FBXL17: variants seen among roughly 807,000 people sequenced by gnomAD.
FBXL17 encodes F-box and leucine rich repeat protein 17.
Under a neutral mutation model 66.2 loss-of-function variants are expected in FBXL17, and 22 were observed. That is an observed-to-expected ratio of 0.33 (90% CI 0.24 to 0.47). The LOEUF is 0.47. Among genes scored for constraint, FBXL17 ranks in the 20% least tolerant of loss-of-function variants. FBXL17 has a pLI of 1.00. For missense variants in FBXL17, 878 were observed against 948.2 expected (o/e 0.93, Z 0.97); for synonymous variants, 474 against 400.5 (o/e 1.18, Z -2.19).
intron 7 of FBXL17, among the ~76,000 whole-genome samples, chr5:107,936,676 T>C (rs1580727915): frequency 6.6e-6 from 1 of 152,276 alleles, no homozygotes; most frequent in African/African-American, 2.4e-5. Flanking sequence ...AGTACAGTGA[T>C]CTGCTTGTGG....
At chr5:108,073,760 GCCTGGCACTTCCT>G (rs756012768) in intron 6 of FBXL17, among the ~76,000 whole-genome samples, 33 of 152,008 alleles carry the variant, frequency 2.2e-4, no homozygotes, top group Admixed American at 9.2e-4. Flanking sequence ...GTTTAAAAGA[GCCTGGCACTTCCT>G]CCCTCTCTCT....
chr5:107,866,720 T>C (rs1748287735), intron 8 of FBXL17, among the ~76,000 whole-genome samples: 1 of 152,226 alleles, frequency 6.6e-6, no homozygotes, highest in Non-Finnish European at 1.5e-5. Context: ...CATTAAATGA[T>C]GGTTACTTCC....
chr5:107,987,827 T>C (rs1469153030), intron 7 of FBXL17, among the ~76,000 whole-genome samples: 1 of 152,020 alleles, frequency 6.6e-6, no homozygotes, highest in Non-Finnish European at 1.5e-5. Flanking sequence ...GGCCAAACAA[T>C]GAATACATCT....
chr5:107,913,958 G>A (rs985306872), intron 7 of FBXL17, among the ~76,000 whole-genome samples: 3 of 147,046 alleles, frequency 2.0e-5, no homozygotes, highest in African/African-American at 7.3e-5. Context: ...AAAGACTTTA[G>A]GTTTCATTTT....
In FBXL17 at chr5:108,381,317, G is replaced by A. The variant is rs2112679322; in HGVS notation, c.375C>T (p.Ala125=). The A allele has an allele frequency of 3.6e-6, 5 of 1,394,792 alleles. No homozygotes were observed. Among genetic ancestry groups the A allele is most frequent in the Admixed American group, 3.1e-5 (1 of 31,820 alleles). 86.4% of individuals were successfully genotyped at this position (1,394,792 alleles called of 1,614,324 possible). Residue 125 remains alanine, a synonymous_variant, in exon 1 of 9, where the codon GCC becomes GCT. Transcript: ENST00000542267. The stretch of plus-strand genomic sequence containing the variant: ...CCGAGGCGGCAGCGGCGGCGGCGGC[G>A]GCGGCCGAGGATAGCAGGAAGCGGC... The part of the protein sequence containing the change: ...AARRFLLSSA[A]AAAAAAASAS...
chr5:108,199,527 T>A (rs1753807514), intron 5 of FBXL17, among the ~76,000 whole-genome samples: 1 of 152,210 alleles, frequency 6.6e-6, no homozygotes, highest in Non-Finnish European at 1.5e-5. Context: ...AACTTGTAGC[T>A]TTATTAGTCT....
At chr5:108,154,666 T>G (rs1751919375) in intron 6 of FBXL17, among the ~76,000 whole-genome samples, 1 of 142,030 alleles carries the variant, frequency 7.0e-6, no homozygotes, top group East Asian at 2.0e-4. Flanking sequence ...TATATACATA[T>G]ATATGTGTAT....
Position 108,232,782 on chromosome 5 carries a change from CATAT to C in FBXL17, c.1507-8558_1507-8555del, listed in dbSNP as rs34650348. On this transcript the variant is annotated intron_variant, in intron 4 of 8. Coordinates refer to ENST00000542267, the MANE Select transcript of FBXL17 (RefSeq NM_001163315.3). Reference sequence around the variant, plus strand: ...TAAGTTAATACTGAATAAGCTCTCACATATATATATATATATATATATAATATAT... The same window carrying C: ...TAAGTTAATACTGAATAAGCTCTCACATATATATATATATATATAATATAT... 3.6e-4 allele frequency among the ~76,000 whole-genome samples: 28 copies of C among 78,170 alleles called. 2 individuals are homozygous for C. The highest frequency in any genetic ancestry group is 1.3e-3 in the South Asian group (3 of 2,376). 51.3% of individuals were successfully genotyped at this position (78,170 alleles called of 152,430 possible).
rs531740217 is a variant in FBXL17, at chr5:108,071,346, C to T, written c.1746-50345G>A. ...TAAACAGTAACTATCTGCTTCAGGC[C>T]TCAAGAACAGTTGAAAAATCAAGAG... On this transcript the variant is annotated intron_variant, in intron 6 of 8. Coordinates refer to ENST00000542267, the MANE Select transcript of FBXL17 (RefSeq NM_001163315.3). Among the ~76,000 whole-genome samples the T allele has an allele frequency of 3.3e-5, 5 of 152,306 alleles. No homozygotes were observed. In the East Asian group the frequency reaches 9.6e-4, roughly 29 times the overall value.
chr5:108,259,715 A>C (rs1424555410), intron 4 of FBXL17, among the ~76,000 whole-genome samples: 1 of 152,216 alleles, frequency 6.6e-6, no homozygotes, highest in Non-Finnish European at 1.5e-5. Context: ...ACGAAAAGCA[A>C]AAGGAAGTCC....
intron 6 of FBXL17, among the ~76,000 whole-genome samples, chr5:108,154,648 C>CATATATATGTGTATATATATACACAT (rs202122522): frequency 0.098 from 11,243 of 114,350 alleles, 1,298 homozygotes; most frequent in South Asian, 0.21. Context: ...CACACACACA[C>CATATATATGTGTATATATATACACAT]ATATATGTAT....
At chr5:107,967,792 T>TA (rs887112738) in intron 7 of FBXL17, among the ~76,000 whole-genome samples, 1 of 151,906 alleles carries the variant, frequency 6.6e-6, no homozygotes, top group Non-Finnish European at 1.5e-5. Flanking sequence ...GCAAAAAGGG[T>TA]AAAAAAAATT....
intron 6 of FBXL17, among the ~76,000 whole-genome samples, chr5:108,033,859 ACT>A (rs1746735902): frequency 6.6e-6 from 1 of 152,154 alleles, no homozygotes; most frequent in East Asian, 1.9e-4. Flanking sequence ...TAACAATTCT[ACT>A]CTTATTATTT....
rs963938236 is a variant in FBXL17, at chr5:108,074,313, T to A, written c.1746-53312A>T. ...ATCTGATAAGAGATTTGAAAAGATT[T>A]TTTTTTTTTTTTTTTTAAGGAGCTC... On this transcript the variant is annotated intron_variant, in intron 6 of 8. Transcript: ENST00000542267. 8.3e-3 allele frequency among the ~76,000 whole-genome samples: 821 copies of A among 98,758 alleles called. 5 individuals carry two copies. Among genetic ancestry groups the A allele is most frequent in the African/African-American group, 0.032 (788 of 24,268 alleles). The allele number at this position is 98,758 out of a possible 152,430, so 64.8% of individuals were successfully genotyped here.
chr5:108,016,721 C>T (rs1181177734), intron 7 of FBXL17, among the ~76,000 whole-genome samples: 1 of 152,032 alleles, frequency 6.6e-6, no homozygotes, highest in East Asian at 1.9e-4. Context: ...TTGTCTTCTT[C>T]TTAATCCCAA....
Position 107,861,795 on chromosome 5 carries a change from C to A in FBXL17, c.2031G>T (p.Leu677=), listed in dbSNP as rs772594905. The A allele has an allele frequency of 2.5e-6, 4 of 1,586,384 alleles. No individual in the cohort carries two copies. The East Asian group carries it at 7.0e-5, about 28-fold the overall frequency. Residue 677 remains leucine (L), a synonymous_variant, in exon 9 of 9, where the codon CTG becomes CTT. Transcript: ENST00000542267. ...QYPHITFSTV[L]QDCKRTLERA... ...TCTCCAAGGTCCTCTTGCAGTCCTGCAGGACGGTGCTGAAGGTGATGTGGG... is the reference window on the plus strand; with the variant it reads ...TCTCCAAGGTCCTCTTGCAGTCCTGAAGGACGGTGCTGAAGGTGATGTGGG...
intron 2 of FBXL17, among the ~76,000 whole-genome samples, chr5:108,366,484 C>T (rs562394040): frequency 4.7e-4 from 70 of 148,822 alleles, no homozygotes; most frequent in Non-Finnish European, 7.9e-4. Context: ...ACACAGTTCT[C>T]GGAAAAGTTA....
chr5:108,150,297 A>AGTAT, intron 6 of FBXL17, among the ~76,000 whole-genome samples: 1 of 152,150 alleles, frequency 6.6e-6, no homozygotes, highest in South Asian at 2.1e-4. Flanking sequence ...TCAATCTCTC[A>AGTAT]GGTCCAAGTG....
chr5:108,048,669 A>T (rs1022792255), intron 6 of FBXL17, among the ~76,000 whole-genome samples: 14 of 152,206 alleles, frequency 9.2e-5, no homozygotes, highest in Admixed American at 8.5e-4. Flanking sequence ...ATACACAAGT[A>T]TCAATAGCTG....
Sources: allele counts gnomAD v4.1 joint callset (sites outside exome capture counted in the v4.1 genomes callset), GRCh38; gene constraint gnomAD v4.1.1; transcripts MANE v1.5; gene names NCBI Gene and HGNC (gene_info 2026-07-23, HGNC 2026-07-21).